EPHA5: variants seen among roughly 807,000 people sequenced by gnomAD.
EPHA5 encodes EPH receptor A5, also known as ephrin type-A receptor 5.
In EPHA5, 60 loss-of-function variants were observed where a neutral mutation model predicts 105.0. The ratio of observed to expected loss-of-function variants is 0.57; its 90% CI spans 0.46 to 0.71. The LOEUF is 0.71. Ranked by LOEUF, EPHA5 falls within the 30% of genes least tolerant of loss-of-function variation. EPHA5 has a pLI of 0.00. For missense variants in EPHA5, 1,218 were observed against 1,274.7 expected, an observed-to-expected ratio of 0.96 and a Z score of 0.68; for synonymous variants, 513 against 449.1, an observed-to-expected ratio of 1.14 and a Z score of -1.80.
chr4:65,656,588 T>A (rs969139696), intron 1 of EPHA5, among the ~76,000 whole-genome samples: 2 of 147,082 alleles, frequency 1.4e-5, no homozygotes, highest in Admixed American at 6.8e-5. Flanking sequence ...ATATATATAT[T>A]ATATATATAT....
rs1416905917 is a variant in EPHA5 at position 65,570,001 on chromosome 4, T to C, written c.910+31640A>G. The stretch of plus-strand genomic sequence containing the variant: ...AGTTAGCAACAACATATTTACTAAA[T>C]GAATGTGTGTGTGCATGTGTGTGTG... On this transcript the variant is annotated intron_variant, in intron 3 of 16. Transcript: ENST00000613740. Among the ~76,000 whole-genome samples, 5 of 151,872 alleles carry C rather than the reference T, an allele frequency of 3.3e-5. No individual in the cohort carries two copies. In the East Asian group the frequency reaches 5.8e-4, roughly 18 times the overall value.
At chr4:65,531,054 G>A (rs192482509) in intron 3 of EPHA5, among the ~76,000 whole-genome samples, 1,813 of 142,746 alleles carry the variant, frequency 0.013, 17 homozygotes, top group Non-Finnish European at 0.02. Flanking sequence ...TTTTTGAGAC[G>A]GAGTCTCGCT....
chr4:65,574,395 AT>A lies in EPHA5; in HGVS notation c.910+27245del, dbSNP rs1358055885. On this transcript the variant is annotated intron_variant, in intron 3 of 16. Transcript: ENST00000613740. ...AATAATAATAATAAAAAATAAAAAA[AT>A]AAAAAAATACTCAAATAACTCAAAT... 1.3e-4 allele frequency: 94 copies of A among 731,790 alleles called. 1 individual carries two copies. The East Asian group carries it at 2.5e-3, about 19-fold the overall frequency. The allele number at this position is 731,790 out of a possible 1,614,324, so 45.3% of individuals were successfully genotyped here.
chr4:65,450,417 AT>A (rs2149105828), intron 5 of EPHA5, among the ~76,000 whole-genome samples: 1 of 152,276 alleles, frequency 6.6e-6, no homozygotes, highest in East Asian at 1.9e-4. Flanking sequence ...ACATTACTCT[AT>A]ATTTTAAGGT....
chr4:65,610,202 A>G (rs937659089), intron 2 of EPHA5, among the ~76,000 whole-genome samples: 1 of 152,152 alleles, frequency 6.6e-6, no homozygotes, highest in South Asian at 2.1e-4. Flanking sequence ...CACAACCATT[A>G]AAAAGAATGA....
chr4:65,522,316 G>GTATATATATATATATATATATACACATA (rs58851174), intron 3 of EPHA5, among the ~76,000 whole-genome samples: 5 of 142,872 alleles, frequency 3.5e-5, no homozygotes, highest in African/African-American at 1.3e-4. Flanking sequence ...ATATATATAT[G>GTATATATATATATATATATATACACATA]TATATATATA....
intron 2 of EPHA5, among the ~76,000 whole-genome samples, chr4:65,604,507 G>C (rs72642654): frequency 6.6e-6 from 1 of 152,100 alleles, no homozygotes; most frequent in African/African-American, 2.4e-5. Context: ...AATAGAATGA[G>C]TTTAATTTAA....
At chr4:65,530,583 G>A (rs1260094331) in intron 3 of EPHA5, among the ~76,000 whole-genome samples, 1 of 152,134 alleles carries the variant, frequency 6.6e-6, no homozygotes, top group Non-Finnish European at 1.5e-5. Flanking sequence ...TAGAAATCCA[G>A]CATAAATTGA....
chr4:65,331,188 A>G, intron 16 of EPHA5: 26 of 1,028,984 alleles, frequency 2.5e-5, no homozygotes, highest in Non-Finnish European at 3.1e-5. Flanking sequence ...TTCACAGGTT[A>G]AAACATTAAT....
intron 2 of EPHA5, among the ~76,000 whole-genome samples, chr4:65,612,930 T>A (rs1744907744): frequency 6.6e-6 from 1 of 152,140 alleles, no homozygotes; most frequent in Non-Finnish European, 1.5e-5. Context: ...GTTTTTGAGG[T>A]CTTAATCATG....
chr4:65,324,822 C>T (rs1719924123), intron 16 of EPHA5, among the ~76,000 whole-genome samples: 1 of 147,800 alleles, frequency 6.8e-6, no homozygotes, highest in Non-Finnish European at 1.5e-5. Flanking sequence ...TCTACTGGCA[C>T]TTAGAGCATG....
intron 3 of EPHA5, among the ~76,000 whole-genome samples, chr4:65,549,343 G>A (rs1000078826): frequency 1.3e-5 from 2 of 152,044 alleles, no homozygotes; most frequent in African/African-American, 4.8e-5. Flanking sequence ...AATTCTAAAA[G>A]GTATTCTGAC....
rs1485311538 is a variant in EPHA5 at position 65,659,349 on chromosome 4, A to C, written c.181+10213T>G. On this transcript the variant is annotated intron_variant, in intron 1 of 16. Coordinates refer to ENST00000613740, the MANE Select transcript of EPHA5 (RefSeq NM_001281766.3). Reference sequence around the variant, plus strand: ...AAAAAAAAAAAAAAAAAAAAAAAAAAAAAAAAAAACAGGAAAGGTAAAGCA... The same window carrying C: ...AAAAAAAAAAAAAAAAAAAAAAAAACAAAAAAAAACAGGAAAGGTAAAGCA... 7.3e-5 allele frequency among the ~76,000 whole-genome samples: 8 copies of C among 109,116 alleles called. No individual in the cohort carries two copies. In the East Asian group the frequency reaches 1.5e-3, roughly 20 times the overall value. 71.6% of individuals were successfully genotyped at this position (109,116 alleles called of 152,430 possible). A position where few individuals can be genotyped will look rare whatever the true frequency, so the allele number is the denominator to read the frequency against.
intron 5 of EPHA5, among the ~76,000 whole-genome samples, chr4:65,467,850 G>A (rs1268688114): frequency 1.3e-5 from 2 of 152,138 alleles, no homozygotes; most frequent in African/African-American, 4.8e-5. Context: ...GAAGTGAAGA[G>A]GGGGGCTGAA....
intron 3 of EPHA5, among the ~76,000 whole-genome samples, chr4:65,590,778 C>G (rs1417551277): frequency 6.6e-6 from 1 of 152,098 alleles, no homozygotes; most frequent in Non-Finnish European, 1.5e-5. Flanking sequence ...TAAGTCTATA[C>G]AGATGAAGCA....
intron 6 of EPHA5, among the ~76,000 whole-genome samples, chr4:65,416,469 TG>T: frequency 6.6e-6 from 1 of 151,014 alleles, no homozygotes; most frequent in Admixed American, 6.6e-5. Context: ...TATAGCATGA[TG>T]GTAAGTTCCC....
At chr4:65,497,354 G>A (rs1173097219) in intron 3 of EPHA5, among the ~76,000 whole-genome samples, 1 of 152,080 alleles carries the variant, frequency 6.6e-6, no homozygotes, top group African/African-American at 2.4e-5. Context: ...ACTCTTTTCA[G>A]TAGATCTAAT....
rs533568059 is a variant in EPHA5 at position 65,322,368 on chromosome 4, C to T, written c.*1746G>A. ...AAACAAGTGCTTGGAAAAAAGAATA[C>T]CATTAATATAACGTGGCTATATTTC... On this transcript the variant is annotated 3_prime_UTR_variant, in exon 17 of 17. Transcript: ENST00000613740. 4.5e-5 allele frequency: 10 copies of T among 224,130 alleles called. No individual in the cohort carries two copies. In the South Asian group the frequency reaches 1.8e-3, roughly 41 times the overall value. The allele number at this position is 224,130 out of a possible 1,614,324, so 13.9% of individuals were successfully genotyped here.
chr4:65,359,071 A>T (rs188558672), intron 11 of EPHA5, among the ~76,000 whole-genome samples: 1 of 151,766 alleles, frequency 6.6e-6, no homozygotes, highest in East Asian at 1.9e-4. Flanking sequence ...AAATAACTTT[A>T]AAACACAGTT....
Sources: gnomAD v4.1 joint callset for allele counts (sites outside exome capture counted in the v4.1 genomes callset) on GRCh38, gnomAD v4.1.1 for gene constraint, MANE v1.5 for transcripts, NCBI Gene and HGNC (gene_info 2026-07-23, HGNC 2026-07-21) for gene names.